The following RNF212 variants were observed in gnomAD, a reference collection of about 807,000 sequenced individuals.
The protein encoded by RNF212 is probable E3 SUMO-protein ligase RNF212.
In RNF212, 33 loss-of-function variants were observed where a neutral mutation model predicts 34.7. That is an observed-to-expected ratio of 0.95 (90% confidence interval 0.72 to 1.27). The LOEUF is 1.27. RNF212 is among the 50% of genes most tolerant of loss of function. The pLI is 0.00. For missense variants in RNF212, 377 were observed against 362.2 expected, an observed-to-expected ratio of 1.04 and a Z score of -0.33; for synonymous variants, 140 against 136.1, an observed-to-expected ratio of 1.03 and a Z score of -0.20.
At chr4:1,098,036 G>A (rs1197570708) in intron 2 of RNF212, among the ~76,000 whole-genome samples, 1 of 152,210 alleles carries the variant, frequency 6.6e-6, no homozygotes, top group Non-Finnish European at 1.5e-5. Flanking sequence ...CTGCACTCCA[G>A]CCTGGGCAAC....
At chr4:1,093,613 G>A (rs56889100) in intron 3 of RNF212, 106,083 of 1,535,862 alleles carry the variant, frequency 0.069, 4,179 homozygotes, top group Middle Eastern at 0.1. Flanking sequence ...GGGCTGGCCG[G>A]GTCTGCTGGG....
In RNF212 at chr4:1,113,532, C is replaced by T; in HGVS notation, c.-68G>A. The T allele has an allele frequency of 7.4e-6, 10 of 1,343,234 alleles. No individual in the cohort carries two copies. Among genetic ancestry groups the T allele is most frequent in the Non-Finnish European group, 9.3e-6 (9 of 966,298 alleles). 83.2% of individuals were successfully genotyped at this position (1,343,234 alleles called of 1,614,324 possible). A position where few individuals can be genotyped will look rare whatever the true frequency, so the allele number is the denominator to read the frequency against. The stretch of plus-strand genomic sequence containing the variant: ...GCCCACGCAAGGTTGGGACCAGCCT[C>T]CCCGCGCAGGGCCCGAAGGCGGGCA... On this transcript the variant is annotated 5_prime_UTR_variant, in exon 1 of 10. Transcript: ENST00000433731.
At chr4:1,075,374 G>C (rs1719116661) in intron 8 of RNF212, among the ~76,000 whole-genome samples, 1 of 152,252 alleles carries the variant, frequency 6.6e-6, no homozygotes, top group Admixed American at 6.5e-5. Context: ...AGGAAGCATG[G>C]CAACAGCTGC....
At chr4:1,057,270 AG>A (rs1188546785) in intron 4 of RNF212, among the ~76,000 whole-genome samples, 1 of 152,212 alleles carries the variant, frequency 6.6e-6, no homozygotes, top group Non-Finnish European at 1.5e-5. Context: ...GCCTGCAGGC[AG>A]CCAGGGGTGG....
chr4:1,097,380 G>T (rs914418741), intron 2 of RNF212, among the ~76,000 whole-genome samples: 1 of 150,608 alleles, frequency 6.6e-6, no homozygotes, highest in South Asian at 2.1e-4. Flanking sequence ...CGAGGCGGGC[G>T]GATCACAAGG....
At chr4:1,111,810 C>T (rs1725705494) in intron 1 of RNF212, among the ~76,000 whole-genome samples, 2 of 152,224 alleles carry the variant, frequency 1.3e-5, no homozygotes, top group African/African-American at 4.8e-5. Context: ...AGCATTATTT[C>T]TGCAGCCAAA....
chr4:1,070,462 G>C (rs561125489), downstream of RNF212, among the ~76,000 whole-genome samples: 1 of 88,378 alleles, frequency 1.1e-5, no homozygotes, highest in Non-Finnish European at 3.1e-5. Flanking sequence ...GGGTGGTTTC[G>C]TAGGACTGTG....
intron 4 of RNF212, among the ~76,000 whole-genome samples, chr4:1,087,293 T>G (rs907076324): frequency 4.1e-4 from 2 of 4,828 alleles, no homozygotes; most frequent in Non-Finnish European, 3.8e-4. Context: ...AGAGGATGGG[T>G]GGGGGAGAGA....
chr4:1,103,432 A>G (rs4974628), intron 2 of RNF212, among the ~76,000 whole-genome samples: 124,159 of 152,084 alleles, frequency 0.82, 52,271 homozygotes, highest in East Asian at 1. Flanking sequence ...ATGTGGAAAG[A>G]GCATTACAAG....
chr4:1,094,030 G>C lies in RNF212; in HGVS notation c.246+2735C>G, dbSNP rs375964086. ...GCCTGAGATACTGTGGGTGATTCAG[G>C]CTGTTTCAGAAGCAAGGAAGCTCCC... On this transcript the variant is annotated intron_variant, in intron 3 of 9. Coordinates refer to ENST00000433731, the MANE Select transcript of RNF212 (RefSeq NM_001131034.4). 119 of 1,464,654 alleles carry C rather than the reference G, an allele frequency of 8.1e-5. 1 individual carries two copies. The East Asian group carries it at 2.3e-3, about 29-fold the overall frequency. The allele number at this position is 1,464,654 out of a possible 1,614,324, so 90.7% of individuals were successfully genotyped here.
At chr4:1,104,937 G>C (rs1343917883) in intron 2 of RNF212, among the ~76,000 whole-genome samples, 1 of 152,104 alleles carries the variant, frequency 6.6e-6, no homozygotes, top group East Asian at 1.9e-4. Flanking sequence ...GATGGGTGCT[G>C]GGGGCTCCTC....
intron 8 of RNF212, among the ~76,000 whole-genome samples, chr4:1,078,412 C>G (rs1403463623): frequency 1.3e-5 from 2 of 152,180 alleles, no homozygotes; most frequent in African/African-American, 2.4e-5. Flanking sequence ...TGTGGTACAT[C>G]TGGCGCTGAG....
intron 2 of RNF212, among the ~76,000 whole-genome samples, chr4:1,104,412 C>T (rs1036543570): frequency 6.6e-6 from 1 of 152,224 alleles, no homozygotes; most frequent in African/African-American, 2.4e-5. Context: ...ACCCCGCCCC[C>T]AGCAGCTCTG....
At chr4:1,074,408 G>A (rs891100388) in intron 8 of RNF212, among the ~76,000 whole-genome samples, 16 of 152,098 alleles carry the variant, frequency 1.1e-4, no homozygotes, top group Non-Finnish European at 1.6e-4. Flanking sequence ...ACTGTGCCCC[G>A]CCAAGACCTC....
At chr4:1,068,877 T>C (rs935843229), downstream of RNF212, among the ~76,000 whole-genome samples, 1 of 152,192 alleles carries the variant, frequency 6.6e-6, no homozygotes, top group Non-Finnish European at 1.5e-5. Context: ...TCTGGGAGGA[T>C]TTTAGCAGAA....
intron 1 of RNF212, among the ~76,000 whole-genome samples, chr4:1,112,633 G>A (rs1285101285): frequency 1.3e-5 from 2 of 149,504 alleles, no homozygotes; most frequent in Non-Finnish European, 1.5e-5. Context: ...AGGCGGACCC[G>A]CAGCCTGCAA....
downstream of RNF212, among the ~76,000 whole-genome samples, chr4:1,069,443 A>G (rs1718300611): frequency 6.6e-6 from 1 of 152,222 alleles, no homozygotes; most frequent in Non-Finnish European, 1.5e-5. Context: ...TCTCTCCACA[A>G]GACACTCATC....
intron 3 of RNF212, chr4:1,093,373 T>C (rs1274563498): frequency 3.4e-6 from 4 of 1,184,136 alleles, no homozygotes; most frequent in African/African-American, 4.9e-5. Context: ...GTTAACATAT[T>C]GTAACAAATG....
intron 3 of RNF212, among the ~76,000 whole-genome samples, chr4:1,066,020 C>T (rs2153033747): frequency 6.6e-6 from 1 of 151,862 alleles, no homozygotes; most frequent in East Asian, 1.9e-4. Context: ...ACTACAGGTG[C>T]GATTTTTTAA....
Sources: gnomAD v4.1 joint callset for allele counts (sites outside exome capture counted in the v4.1 genomes callset) on GRCh38, gnomAD v4.1.1 for gene constraint, MANE v1.5 for transcripts, NCBI Gene and HGNC (gene_info 2026-07-23, HGNC 2026-07-21) for gene names.